The following GALNT14 variants were observed in gnomAD, a reference collection of about 807,000 sequenced individuals.
GALNT14 encodes the protein UDP-GalNAc:polypeptide N-acetylgalactosaminyltransferase 14.
In GALNT14, 60 loss-of-function variants were observed where a neutral mutation model predicts 77.5. The observed-to-expected ratio is 0.77, with a 90% CI of 0.63 to 0.96. The LOEUF (loss-of-function observed/expected upper bound fraction) is 0.96, where lower values mean the gene tolerates loss of function less well. GALNT14 is among the 40% of genes least tolerant of loss of function. The pLI is 0.00. For missense variants in GALNT14, 710 were observed against 731.0 expected (o/e 0.97, Z 0.33); for synonymous variants, 280 against 281.7 (o/e 0.99, Z 0.06).
chr2:31,078,984 C>A (rs1675988910), intron 1 of GALNT14: 1 of 1,289,046 alleles, frequency 7.8e-7, no homozygotes. Context: ...GGAGGGAGAG[C>A]AGGGGAGCTA....
the GALNT14 span, among the ~76,000 whole-genome samples, chr2:30,893,155 AC>A: frequency 6.6e-6 from 1 of 152,226 alleles, no homozygotes; most frequent in Admixed American, 6.5e-5. Context: ...AAAGAGGGAA[AC>A]ACAAATTAGA....
At chr2:30,945,371 G>T (rs896152066) in intron 7 of GALNT14, among the ~76,000 whole-genome samples, 3 of 152,214 alleles carry the variant, frequency 2.0e-5, no homozygotes, top group Admixed American at 1.3e-4. Flanking sequence ...TGGGCCCTAT[G>T]TGGAGAGCTG....
intron 1 of GALNT14, among the ~76,000 whole-genome samples, chr2:31,099,151 A>T (rs1345120790): frequency 6.6e-6 from 1 of 152,134 alleles, no homozygotes; most frequent in Non-Finnish European, 1.5e-5. Flanking sequence ...TTCATTTTGC[A>T]ATCTGATAGA....
chr2:31,008,256 T>C (rs1670799706), intron 1 of GALNT14, among the ~76,000 whole-genome samples: 1 of 152,052 alleles, frequency 6.6e-6, no homozygotes, highest in African/African-American at 2.4e-5. Context: ...GCCTGGCTGA[T>C]TTCTTTATTT....
intron 1 of GALNT14, among the ~76,000 whole-genome samples, chr2:31,011,832 T>C (rs1671049777): frequency 6.6e-6 from 1 of 152,186 alleles, no homozygotes; most frequent in East Asian, 1.9e-4. Flanking sequence ...CCTGCTCTGT[T>C]TGTACTTCAA....
At chr2:30,896,645 T>TTG in the GALNT14 span, among the ~76,000 whole-genome samples, 1 of 152,124 alleles carries the variant, frequency 6.6e-6, no homozygotes, top group African/African-American at 2.4e-5. Flanking sequence ...AGTATTTCTC[T>TTG]TGTGTGTGTG....
intron 11 of GALNT14, among the ~76,000 whole-genome samples, chr2:30,926,697 G>T (rs1024034779): frequency 6.6e-6 from 1 of 151,232 alleles, no homozygotes; most frequent in African/African-American, 2.4e-5. Context: ...CAGAAGAAAC[G>T]CCATGCCTGC....
chr2:30,907,732 C>T (rs1346943696), downstream of GALNT14, among the ~76,000 whole-genome samples: 2 of 149,594 alleles, frequency 1.3e-5, no homozygotes, highest in Non-Finnish European at 1.5e-5. Context: ...CATTCTGATA[C>T]CAAAGCCAGG....
chr2:30,966,519 C>T (rs1186883586), intron 2 of GALNT14, among the ~76,000 whole-genome samples: 1 of 152,162 alleles, frequency 6.6e-6, no homozygotes, highest in Non-Finnish European at 1.5e-5. Flanking sequence ...AATTTTCTAC[C>T]ACCTTGGGGG....
chr2:30,999,603 T>C (rs1019894817), intron 1 of GALNT14, among the ~76,000 whole-genome samples: 13 of 152,172 alleles, frequency 8.5e-5, no homozygotes, highest in Non-Finnish European at 1.5e-4. Flanking sequence ...ATGTGTGCTA[T>C]GAAAAGGGAG....
chr2:30,933,501 C>T (rs922965179), intron 9 of GALNT14, among the ~76,000 whole-genome samples: 3 of 152,164 alleles, frequency 2.0e-5, no homozygotes, highest in African/African-American at 4.8e-5. Flanking sequence ...CTACCTGTCT[C>T]CTCCCACGTT....
At chr2:30,926,463 G>A (rs1217991747) in intron 11 of GALNT14, among the ~76,000 whole-genome samples, 1 of 152,164 alleles carries the variant, frequency 6.6e-6, no homozygotes, top group Non-Finnish European at 1.5e-5. Context: ...ACATCCTGGT[G>A]GAGGTGTCTA....
chr2:31,125,064 G>A (rs1678636194), intron 1 of GALNT14: 2 of 895,716 alleles, frequency 2.2e-6, no homozygotes. Flanking sequence ...CAGGAGCTCT[G>A]GCAGATCATC....
At chr2:30,975,793 C>T (rs1668593129) in intron 2 of GALNT14, among the ~76,000 whole-genome samples, 1 of 152,064 alleles carries the variant, frequency 6.6e-6, no homozygotes, top group African/African-American at 2.4e-5. Flanking sequence ...ATTATAGAGA[C>T]AGTAATTAAG....
chr2:31,045,772 C>T (rs183899059), intron 1 of GALNT14, among the ~76,000 whole-genome samples: 36 of 152,166 alleles, frequency 2.4e-4, no homozygotes, highest in African/African-American at 7.7e-4. Context: ...CTTGATAAGC[C>T]GATTTTAACT....
intron 1 of GALNT14, among the ~76,000 whole-genome samples, chr2:31,005,907 C>T (rs1043340546): frequency 6.6e-6 from 1 of 152,332 alleles, no homozygotes; most frequent in Non-Finnish European, 1.5e-5. Context: ...TGCTAACTTG[C>T]TTTTTATGCA....
intron 1 of GALNT14, among the ~76,000 whole-genome samples, chr2:31,023,113 T>C (rs1206086107): frequency 6.6e-6 from 1 of 151,662 alleles, no homozygotes; most frequent in Non-Finnish European, 1.5e-5. Context: ...TTTTCTAAGA[T>C]AGCTAATGGA....
chr2:31,073,152 G>C (rs1030523720), intron 1 of GALNT14: 1 of 152,132 alleles, frequency 6.6e-6, no homozygotes, highest in Non-Finnish European at 1.5e-5. Flanking sequence ...GAGATATGTA[G>C]GATCAGTGCT....
intron 2 of GALNT14, among the ~76,000 whole-genome samples, chr2:30,986,522 A>G (rs1477744939): frequency 6.6e-6 from 1 of 152,206 alleles, no homozygotes; most frequent in Non-Finnish European, 1.5e-5. Context: ...CTCGAAAATG[A>G]GGACTACTTG....
Sources: allele counts gnomAD v4.1 joint callset (sites outside exome capture counted in the v4.1 genomes callset), GRCh38; gene constraint gnomAD v4.1.1; transcripts MANE v1.5; gene names NCBI Gene and HGNC (gene_info 2026-07-23, HGNC 2026-07-21).